Variants in TATDN3 observed in about 807,000 individuals in gnomAD.
TATDN3 encodes deoxyribonuclease TATDN3.
Under a neutral mutation model 40.1 loss-of-function variants are expected in TATDN3, and 29 were observed. That is an observed-to-expected ratio of 0.72 (90% CI 0.54 to 0.99). The LOEUF (loss-of-function observed/expected upper bound fraction) is 0.99. Among genes scored for constraint, TATDN3 ranks in the 50% least tolerant of loss-of-function variants. TATDN3 has a pLI of 0.00. For synonymous variants in TATDN3, 105 were observed against 117.0 expected (o/e 0.90, Z 0.66); for missense variants, 309 against 321.9 (o/e 0.96, Z 0.31).
intron 7 of TATDN3, among the ~76,000 whole-genome samples, chr1:212,805,086 C>A (rs1662377889): frequency 6.6e-6 from 1 of 151,790 alleles, no homozygotes; most frequent in Admixed American, 6.6e-5. Flanking sequence ...CTCAGCCTCC[C>A]ATGTAGCTGA....
chr1:212,800,263 T>C (rs956372656), intron 4 of TATDN3, among the ~76,000 whole-genome samples: 2 of 152,150 alleles, frequency 1.3e-5, no homozygotes, highest in African/African-American at 4.8e-5. Context: ...AGTACTAGCA[T>C]TGGAGGTAGA....
chr1:212,795,036 A>T, intron 1 of TATDN3, 59 bp from the exon 2 acceptor site: 2 of 1,329,298 alleles, frequency 1.5e-6, no homozygotes, highest in African/African-American at 1.4e-5. Context: ...TGACATATAC[A>T]GTCCAAGATT....
At position 212,802,683 on chromosome 1, in the gene TATDN3, T is replaced by A; in HGVS notation, c.259-18T>A. ...GTTCCTTTCTTCCATTTTAACAATT[T>A]TACTTTTTTTCTCCCAGGATTTGGA... On this transcript the variant is annotated intron_variant, in intron 4 of 9. Transcript: ENST00000366974. 1 of 1,584,410 alleles carries A rather than the reference T, an allele frequency of 6.3e-7. No individual in the cohort carries two copies. Among genetic ancestry groups the A allele is most frequent in the Non-Finnish European group, 8.7e-7 (1 of 1,153,034 alleles).
intron 1 of TATDN3, chr1:212,793,068 A>C (rs956681935): frequency 2.0e-5 from 3 of 152,232 alleles, no homozygotes; most frequent in Non-Finnish European, 2.9e-5. Context: ...CAAAAAGCTA[A>C]GTGGAGCCTG....
intron 2 of TATDN3, among the ~76,000 whole-genome samples, chr1:212,796,026 G>A (rs1307754361): frequency 6.6e-6 from 1 of 152,102 alleles, no homozygotes; most frequent in Non-Finnish European, 1.5e-5. Context: ...TGGAGATCTG[G>A]GATATATTAT....
intron 4 of TATDN3, among the ~76,000 whole-genome samples, chr1:212,800,890 CT>C (rs112248012): frequency 0.018 from 2,494 of 139,976 alleles, 49 homozygotes; most frequent in African/African-American, 0.051. Flanking sequence ...GGTATGTAAT[CT>C]TTTTTTTTTT....
At position 212,815,087 on chromosome 1, in the gene TATDN3, A is replaced by G. The variant is rs1663112281; in HGVS notation, c.756A>G (p.Glu252=). 1 of 1,614,034 alleles carries G rather than the reference A, an allele frequency of 6.2e-7. No homozygotes were observed. Among genetic ancestry groups the G allele is most frequent in the Non-Finnish European group, 8.5e-7 (1 of 1,180,032 alleles). Residue 252 remains glutamate (E), a synonymous_variant, in exon 10 of 10, where the codon GAA becomes GAG. Coordinates refer to ENST00000366974, the MANE Select transcript of TATDN3 (RefSeq NM_001042552.3). ...IAQVKGISVE[E]VIEVTTQNAL... The stretch of plus-strand genomic sequence containing the variant: ...AGGTGAAAGGGATCTCAGTGGAAGA[A>G]GTTATAGAAGTGACGACACAGAATG...
chr1:212,792,093 C>T, intron 1 of TATDN3, 106 bp downstream of exon 1: 2 of 1,147,080 alleles, frequency 1.7e-6, no homozygotes, highest in South Asian at 1.4e-5. Flanking sequence ...TATCCCCCGC[C>T]CAGACCCTTG....
chr1:212,814,158 C>T (rs1227633866), intron 9 of TATDN3, among the ~76,000 whole-genome samples: 1 of 152,042 alleles, frequency 6.6e-6, no homozygotes, highest in Non-Finnish European at 1.5e-5. Context: ...TTTTCTTCAT[C>T]ATGTTTAATA....
chr1:212,812,841 A>G (rs1412597624), intron 9 of TATDN3, among the ~76,000 whole-genome samples: 1 of 152,078 alleles, frequency 6.6e-6, no homozygotes, highest in Admixed American at 6.6e-5. Flanking sequence ...TGTCTCTACT[A>G]AAAATACAAA....
At chr1:212,813,185 T>G (rs1471584911) in intron 9 of TATDN3, among the ~76,000 whole-genome samples, 1 of 152,226 alleles carries the variant, frequency 6.6e-6, no homozygotes, top group Non-Finnish European at 1.5e-5. Flanking sequence ...ATGGGTTTAT[T>G]TATATGATCT....
chr1:212,802,313 G>A (rs1662219251), intron 4 of TATDN3, among the ~76,000 whole-genome samples: 1 of 152,166 alleles, frequency 6.6e-6, no homozygotes, highest in Admixed American at 6.6e-5. Flanking sequence ...GAATTCTAAG[G>A]GGAGAACACA....
Position 212,797,197 on chromosome 1 carries a change from G to A in TATDN3, c.258+1G>A, listed in dbSNP as rs764939817. The A allele has an allele frequency of 2.5e-5, 41 of 1,611,474 alleles. 1 individual carries two copies. In the South Asian group the frequency reaches 3.6e-4, roughly 14 times the overall value. On this transcript the variant is annotated splice_donor_variant, in intron 4 of 9. Transcript: ENST00000366974. LOFTEE classifies it high-confidence loss of function. ...AGACCAAAGAAGTGTCACACTAAAGGTAACAGTCATACAAAACAGGAACCA... is the reference window on the plus strand; with the variant it reads ...AGACCAAAGAAGTGTCACACTAAAGATAACAGTCATACAAAACAGGAACCA...
chr1:212,794,777 G>A (rs372948705), intron 1 of TATDN3: 80 of 509,284 alleles, frequency 1.6e-4, no homozygotes, highest in African/African-American at 1.4e-3. Flanking sequence ...AGTGAAGGGT[G>A]GAAAGCATTT....
At chr1:212,807,674 GTTATT>G (rs1414953738) in intron 7 of TATDN3, 57 bp from the exon 8 acceptor site, 11 of 1,311,488 alleles carry the variant, frequency 8.4e-6, no homozygotes, top group Non-Finnish European at 1.2e-5. Context: ...TCAGACTTCT[GTTATT>G]TAATTTGATT....
intron 9 of TATDN3, 69 bp downstream of exon 9, chr1:212,812,397 G>C (rs186925180): frequency 5.1e-4 from 447 of 884,222 alleles, no homozygotes; most frequent in Admixed American, 1.2e-3. Context: ...CAATTTAGCT[G>C]TATTTCTCAT....
At chr1:212,803,437 GC>G (rs1164969804) in intron 5 of TATDN3, among the ~76,000 whole-genome samples, 2 of 151,952 alleles carry the variant, frequency 1.3e-5, no homozygotes, top group Admixed American at 6.6e-5. Flanking sequence ...ACCCACCTTC[GC>G]CTCCCAAAGT....
At chr1:212,799,735 T>C (rs1662055641) in intron 4 of TATDN3, among the ~76,000 whole-genome samples, 4 of 152,032 alleles carry the variant, frequency 2.6e-5, no homozygotes, top group Admixed American at 2.6e-4. Flanking sequence ...GTTGGGGTTT[T>C]GCCATGTTGG....
rs907024537 is a variant in TATDN3 at position 212,816,740 on chromosome 1, G to A, written c.*1584G>A. On this transcript the variant is annotated 3_prime_UTR_variant, in exon 10 of 10. Transcript: ENST00000366974. ...GAAACTGAATAGGGTATTTTATGAG[G>A]TATTTAATGACTCATCAGCACCATT... The A allele has an allele frequency of 2.0e-5, 3 of 152,162 alleles. No homozygotes were observed. Among genetic ancestry groups the A allele is most frequent in the Non-Finnish European group, 4.4e-5 (3 of 68,032 alleles). The allele number at this position is 152,162 out of a possible 1,614,324, so 9.4% of individuals were successfully genotyped here. A position where few individuals can be genotyped will look rare whatever the true frequency, so the allele number is the denominator to read the frequency against.
Sources: gnomAD v4.1 joint callset for allele counts (sites outside exome capture counted in the v4.1 genomes callset) on GRCh38, gnomAD v4.1.1 for gene constraint, MANE v1.5 for transcripts, NCBI Gene and HGNC (gene_info 2026-07-23, HGNC 2026-07-21) for gene names.